The following EFCAB5 variants were observed in gnomAD, a reference collection of about 807,000 sequenced individuals.
EFCAB5 encodes EF-hand calcium-binding domain-containing protein 5.
EFCAB5 carries 131 observed loss-of-function variants against 167.9 expected under a neutral mutation model. The ratio of observed to expected loss-of-function variants is 0.78; its 90% CI spans 0.68 to 0.90. The LOEUF is 0.90. Among genes scored for constraint, EFCAB5 ranks in the 40% least tolerant of loss-of-function variants. The pLI is 0.00. For missense variants in EFCAB5, 1,663 were observed against 1,745.2 expected (o/e 0.95, Z 0.84); for synonymous variants, 574 against 602.8 (o/e 0.95, Z 0.70).
chr17:30,084,073 C>G (rs1367314293), intron 18 of EFCAB5, among the ~76,000 whole-genome samples: 4 of 152,186 alleles, frequency 2.6e-5, no homozygotes, highest in Non-Finnish European at 5.9e-5. Context: ...GTAGTGTCAC[C>G]TGGTTGTCTC....
At chr17:30,001,921 A>T (rs1365448535) in intron 7 of EFCAB5, among the ~76,000 whole-genome samples, 1 of 152,220 alleles carries the variant, frequency 6.6e-6, no homozygotes, top group Non-Finnish European at 1.5e-5. Flanking sequence ...AAGGTTGAAC[A>T]CTTGCCTTGA....
chr17:29,968,774 C>CT lies in EFCAB5; in HGVS notation c.191-9dup, dbSNP rs535443590. ...TACTTCTAACATTTCTTACATTTCACTTTTTTTTCCCCTCAGAATTAAACC... is the reference window on the plus strand; with the variant it reads ...TACTTCTAACATTTCTTACATTTCACTTTTTTTTTCCCCTCAGAATTAAACC... On this transcript the variant is annotated splice_polypyrimidine_tract_variant and intron_variant, in intron 3 of 22. Transcript: ENST00000394835. 69 of 1,446,556 alleles carry CT rather than the reference C, an allele frequency of 4.8e-5. No individual in the cohort carries two copies. The Admixed American group carries it at 6.8e-4, about 14-fold the overall frequency. 89.6% of individuals were successfully genotyped at this position (1,446,556 alleles called of 1,614,324 possible).
At chr17:30,034,470 T>G in intron 8 of EFCAB5, 85 bp downstream of exon 8, 2 of 1,484,444 alleles carry the variant, frequency 1.3e-6, no homozygotes, top group Non-Finnish European at 1.8e-6. Flanking sequence ...AGGCTGAGGC[T>G]GGTGGATTAC....
intron 7 of EFCAB5, among the ~76,000 whole-genome samples, chr17:30,002,184 A>T (rs993278955): frequency 2.6e-5 from 4 of 152,116 alleles, no homozygotes; most frequent in Non-Finnish European, 2.9e-5. Flanking sequence ...ATGTTTTAAA[A>T]TTTTTTTATT....
intron 22 of EFCAB5, among the ~76,000 whole-genome samples, chr17:30,094,932 T>C (rs557648997): frequency 1.3e-5 from 2 of 152,268 alleles, no homozygotes; most frequent in African/African-American, 4.8e-5. Flanking sequence ...AGCCTACTAT[T>C]CTCTGTCACT....
At chr17:30,036,264 AT>A (rs1399555322) in intron 8 of EFCAB5, among the ~76,000 whole-genome samples, 146 of 118,564 alleles carry the variant, frequency 1.2e-3, no homozygotes, top group Non-Finnish European at 1.7e-3. Flanking sequence ...ATATACATAT[AT>A]AATATATAAT....
chr17:30,053,936 C>T lies in EFCAB5; in HGVS notation c.1982C>T (p.Ser661Leu). The change falls in exon 10 of 23, where the codon TCA becomes TTA. Residue 661 changes from serine to leucine, a missense_variant. Physicochemically the swap from Ser to Leu is moderately radical, Grantham distance 145. Transcript: ENST00000394835. ...SEQGPYGEIISEEQEDIGSTS... is the reference protein window; with the variant it reads ...SEQGPYGEIILEEQEDIGSTS... ...CAAGGACCTTATGGAGAGATAATTT[C>T]AGAAGAGCAAGAAGACATAGGCTCA... The T allele has an allele frequency of 3.1e-6, 5 of 1,613,966 alleles. No homozygotes were observed. The highest frequency in any genetic ancestry group is 4.2e-6 in the Non-Finnish European group (5 of 1,179,890).
intron 1 of EFCAB5, among the ~76,000 whole-genome samples, chr17:29,934,385 T>C (rs1040918888): frequency 8.5e-5 from 13 of 152,338 alleles, no homozygotes; most frequent in Admixed American, 4.6e-4. Flanking sequence ...ACTTTTTGTG[T>C]CAAGTATCTA....
At chr17:30,100,889 A>T (rs2071373734) in intron 22 of EFCAB5, among the ~76,000 whole-genome samples, 1 of 152,264 alleles carries the variant, frequency 6.6e-6, no homozygotes, top group African/African-American at 2.4e-5. Flanking sequence ...GAAAAAGAGT[A>T]TTCCAGGCAG....
intron 4 of EFCAB5, among the ~76,000 whole-genome samples, chr17:29,983,611 T>G (rs1019427418): frequency 6.6e-6 from 1 of 152,218 alleles, no homozygotes; most frequent in African/African-American, 2.4e-5. Flanking sequence ...ATGAATCTGC[T>G]TATAGGTTAT....
intron 3 of EFCAB5, among the ~76,000 whole-genome samples, chr17:29,952,768 C>G (rs148081396): frequency 2.0e-5 from 3 of 152,176 alleles, no homozygotes; most frequent in African/African-American, 7.2e-5. Context: ...GTCTATCTCT[C>G]AAAGTAGCAG....
At chr17:30,105,525 G>A (rs955334399) in intron 22 of EFCAB5, among the ~76,000 whole-genome samples, 3 of 151,968 alleles carry the variant, frequency 2.0e-5, no homozygotes, top group African/African-American at 7.2e-5. Context: ...ACAAAAAACA[G>A]AAAGAGAGAT....
chr17:30,031,822 G>T (rs564452845), intron 7 of EFCAB5: 1 of 152,272 alleles, frequency 6.6e-6, no homozygotes, highest in East Asian at 1.9e-4. Flanking sequence ...AGGAGTTTGA[G>T]ACCAGTTTGG....
chr17:30,082,952 A>C lies in EFCAB5; in HGVS notation c.3488A>C (p.His1163Pro), dbSNP rs1480634267. 1 of 1,613,996 alleles carries C rather than the reference A, an allele frequency of 6.2e-7. No homozygotes were observed. The highest frequency in any genetic ancestry group is 2.2e-5 in the East Asian group (1 of 44,886). ...HYVHSREHILHIVITGIGWLY... is the reference protein window; with the variant it reads ...HYVHSREHILPIVITGIGWLY... Reference sequence around the variant, plus strand: ...GTCCACAGCCGGGAGCACATTCTGCATATTGTGATCACTGGCATAGGCTGG... The same window carrying C: ...GTCCACAGCCGGGAGCACATTCTGCCTATTGTGATCACTGGCATAGGCTGG... The change falls in exon 18 of 23, where the codon CAT (histidine) becomes CCT (proline). Residue 1163 changes from histidine to proline, a missense_variant. Physicochemically the swap from His to Pro is moderately conservative, Grantham distance 77 (BLOSUM62 -2). Coordinates refer to ENST00000394835, the MANE Select transcript of EFCAB5 (RefSeq NM_198529.4).
At chr17:29,931,926 A>G (rs1364405424) in intron 1 of EFCAB5, among the ~76,000 whole-genome samples, 1 of 152,168 alleles carries the variant, frequency 6.6e-6, no homozygotes, top group East Asian at 1.9e-4. Flanking sequence ...GGAAGATGAA[A>G]GGCTTAAGTC....
Position 30,081,740 on chromosome 17 carries a change from T to C in EFCAB5, c.3426+759T>C, listed in dbSNP as rs142301640. Among the ~76,000 whole-genome samples, 445 of 152,288 alleles carry C rather than the reference T, an allele frequency of 2.9e-3. 3 individuals carry two copies. The highest frequency in any genetic ancestry group is 3.4e-3 in the Non-Finnish European group (232 of 68,022). On this transcript the variant is annotated intron_variant, in intron 17 of 22. Transcript: ENST00000394835. ...TTTCTCTTCCCATTTATTGGGTGGA[T>C]AGTTGAGGAAAGTGGTAGTACCTCT... is the stretch of plus-strand genomic sequence containing the variant.
chr17:30,089,780 G>T (rs932045030), intron 19 of EFCAB5, among the ~76,000 whole-genome samples: 1 of 152,166 alleles, frequency 6.6e-6, no homozygotes, highest in South Asian at 2.1e-4. Context: ...GGGCAGCTTA[G>T]AGCCAATGAC....
chr17:30,056,143 C>T lies in EFCAB5; in HGVS notation c.2352C>T (p.Asn784=), dbSNP rs752649175. ...DEEQANLIYG[N]SRFTDLHSII... ...AACAGGCAAACTTAATCTATGGTAACTCCAGGTTCACAGGTACATGTTAAC... is the reference window on the plus strand; with the variant it reads ...AACAGGCAAACTTAATCTATGGTAATTCCAGGTTCACAGGTACATGTTAAC... The change falls in exon 12 of 23, where the codon AAC becomes AAT. Residue 784 remains asparagine (N), a synonymous_variant. Coordinates refer to ENST00000394835, the MANE Select transcript of EFCAB5 (RefSeq NM_198529.4). 5 of 1,609,790 alleles carry T rather than the reference C, an allele frequency of 3.1e-6. No individual in the cohort carries two copies. Among genetic ancestry groups the T allele is most frequent in the Non-Finnish European group, 4.2e-6 (5 of 1,177,690 alleles).
At chr17:29,939,448 A>G (rs1597549762), upstream of EFCAB5, among the ~76,000 whole-genome samples, 1 of 152,236 alleles carries the variant, frequency 6.6e-6, no homozygotes, top group Non-Finnish European at 1.5e-5. Context: ...CTATCCTTTG[A>G]AGCTTTGAAG....
Sources: allele counts gnomAD v4.1 joint callset (sites outside exome capture counted in the v4.1 genomes callset), GRCh38; gene constraint gnomAD v4.1.1; transcripts MANE v1.5; gene names NCBI Gene and HGNC (gene_info 2026-07-23, HGNC 2026-07-21).